Variants in OR2L13 observed in about 807,000 individuals in gnomAD.
OR2L13 encodes the protein olfactory receptor 2L13.
OR2L13 carries 14 observed loss-of-function variants against 15.3 expected under a neutral mutation model. The ratio of observed to expected loss-of-function variants is 0.91; its 90% CI spans 0.60 to 1.43. The LOEUF is 1.43. Among genes scored for constraint, OR2L13 ranks in the 40% most tolerant of loss-of-function variants. The pLI, the probability that OR2L13 is intolerant of heterozygous loss-of-function variation, is 0.00. For missense variants in OR2L13, 367 were observed against 387.9 expected (o/e 0.95, Z 0.45); for synonymous variants, 152 against 142.9 (o/e 1.06, Z -0.45).
chr1:248,002,742 C>G, the OR2L13 span, among the ~76,000 whole-genome samples: 36 of 151,976 alleles, frequency 2.4e-4, no homozygotes, highest in African/African-American at 8.5e-4. Context: ...CCTGTAGTCC[C>G]AGCTACTCGG....
At chr1:248,077,462 T>C in the OR2L13 span, among the ~76,000 whole-genome samples, 10 of 152,200 alleles carry the variant, frequency 6.6e-5, no homozygotes, top group Non-Finnish European at 1.2e-4. Flanking sequence ...GCTGTGAATC[T>C]GTCTGGTCCT....
the OR2L13 span, among the ~76,000 whole-genome samples, chr1:248,030,497 T>C: frequency 5.3e-4 from 81 of 152,342 alleles, 1 homozygote; most frequent in African/African-American, 1.9e-3. Context: ...GGATACATTA[T>C]ATTAGACTAT....
At chr1:248,085,400 TAATAA>T in the OR2L13 span, among the ~76,000 whole-genome samples, 11 of 6,166 alleles carry the variant, frequency 1.8e-3, no homozygotes, top group African/African-American at 3.8e-3. Context: ...TCAAATAAAA[TAATAA>T]AATAAAATAA....
At chr1:248,073,177 G>C in the OR2L13 span, among the ~76,000 whole-genome samples, 1 of 152,178 alleles carries the variant, frequency 6.6e-6, no homozygotes, top group Non-Finnish European at 1.5e-5. Flanking sequence ...ACATGCACAC[G>C]TATGTTTATT....
chr1:248,004,158 C>T, the OR2L13 span: 91 of 1,129,324 alleles, frequency 8.1e-5, no homozygotes, highest in Non-Finnish European at 1.1e-4. Context: ...TCCTAGAGTT[C>T]AGGAGCAAAA....
the OR2L13 span, chr1:248,013,862 T>C: frequency 6.6e-6 from 1 of 152,318 alleles, no homozygotes; most frequent in African/African-American, 2.4e-5. Flanking sequence ...AATTGTACTT[T>C]CTGTTAAGAA....
chr1:248,051,053 T>G, the OR2L13 span: 3 of 152,338 alleles, frequency 2.0e-5, no homozygotes, highest in South Asian at 4.1e-4. Context: ...TAGAATTCTG[T>G]GTCATTAAGT....
chr1:247,941,500 G>A, the OR2L13 span, among the ~76,000 whole-genome samples: 4 of 152,144 alleles, frequency 2.6e-5, no homozygotes, highest in African/African-American at 9.7e-5. Flanking sequence ...TATGTAAGAA[G>A]TTTGTTATAT....
chr1:247,956,375 C>T, the OR2L13 span, among the ~76,000 whole-genome samples: 17 of 151,278 alleles, frequency 1.1e-4, no homozygotes, highest in Non-Finnish European at 1.5e-4. Flanking sequence ...AGTCAGGTAG[C>T]GTGATGCCTC....
At chr1:247,974,591 A>G in the OR2L13 span, 2 of 155,528 alleles carry the variant, frequency 1.3e-5, no homozygotes, top group Non-Finnish European at 1.5e-5. Context: ...TATGGATCCA[A>G]AGAAATAGTG....
chr1:247,941,527 A>C, the OR2L13 span, among the ~76,000 whole-genome samples: 1 of 152,174 alleles, frequency 6.6e-6, no homozygotes, highest in East Asian at 1.9e-4. Context: ...TACTTGGAGA[A>C]ATAGACATGG....
chr1:248,099,245 G>T, intron 2 of OR2L13, 113 bp from the exon 3 acceptor site: 1 of 652,512 alleles, frequency 1.5e-6, no homozygotes, highest in South Asian at 1.9e-5. Context: ...AGTGTTAGTG[G>T]AGAAACAACT....
At chr1:248,063,530 A>G in the OR2L13 span, 3 of 152,314 alleles carry the variant, frequency 2.0e-5, no homozygotes, top group East Asian at 5.8e-4. Context: ...GCTTCCTGGC[A>G]TTTCCTGTCC....
At chr1:248,088,522 GGA>G in the OR2L13 span, among the ~76,000 whole-genome samples, 1 of 152,120 alleles carries the variant, frequency 6.6e-6, no homozygotes, top group Admixed American at 6.5e-5. Flanking sequence ...AAACGTTCTG[GGA>G]GAGTGTCTGG....
the OR2L13 span, among the ~76,000 whole-genome samples, chr1:248,036,320 T>C: frequency 6.6e-6 from 1 of 152,222 alleles, no homozygotes; most frequent in Non-Finnish European, 1.5e-5. Context: ...AATTATTGTA[T>C]CTTTAATTTC....
the OR2L13 span, among the ~76,000 whole-genome samples, chr1:247,994,435 TA>T: frequency 3.0e-4 from 45 of 152,274 alleles, no homozygotes; most frequent in African/African-American, 1.1e-3. Context: ...GTGATTATGT[TA>T]CTATGACTGT....
chr1:248,066,208 T>A, the OR2L13 span, among the ~76,000 whole-genome samples: 1 of 152,234 alleles, frequency 6.6e-6, no homozygotes, highest in African/African-American at 2.4e-5. Flanking sequence ...TTATTTGGAC[T>A]TCACACTCTT....
At chr1:247,974,690 C>A in the OR2L13 span, 1 of 228,348 alleles carries the variant, frequency 4.4e-6, no homozygotes. Context: ...TAAGGAGGAA[C>A]TAATTCACTT....
At chr1:247,948,023 T>C in the OR2L13 span, among the ~76,000 whole-genome samples, 3 of 152,056 alleles carry the variant, frequency 2.0e-5, no homozygotes, top group Admixed American at 2.0e-4. Context: ...AAAACCAGCC[T>C]GAGAAACACA....
Sources: allele counts gnomAD v4.1 joint callset (sites outside exome capture counted in the v4.1 genomes callset), GRCh38; gene constraint gnomAD v4.1.1; transcripts MANE v1.5; gene names NCBI Gene and HGNC (gene_info 2026-07-23, HGNC 2026-07-21).